The following GALNT13 variants were observed in gnomAD, a reference collection of about 807,000 sequenced individuals.
GALNT13 encodes polypeptide N-acetylgalactosaminyltransferase 13.
A neutral mutation model predicts 64.2 loss-of-function variants in GALNT13; 28 were observed. That is an observed-to-expected ratio of 0.44 (90% CI 0.32 to 0.60). The LOEUF (loss-of-function observed/expected upper bound fraction) is 0.60, where lower values mean the gene tolerates loss of function less well. Ranked by LOEUF, GALNT13 falls within the 20% of genes least tolerant of loss-of-function variation. The probability of loss-of-function intolerance (pLI) is 0.05; values close to 1 mark genes in which losing one functional copy is unlikely to be tolerated. For missense variants in GALNT13, 577 were observed against 669.8 expected (o/e 0.86, Z 1.53); for synonymous variants, 214 against 224.6 (o/e 0.95, Z 0.42).
rs369942303 is a variant in GALNT13, at chr2:153,998,581, C to A, written c.142+53942C>A. 1.1e-4 allele frequency among the ~76,000 whole-genome samples: 16 copies of A among 152,026 alleles called. No individual in the cohort carries two copies. The East Asian group carries it at 1.2e-3, about 11-fold the overall frequency. ...ATGGATAGATTGCAAAAATGTTTAC[C>A]CATTCTGTAGGTTGCCTGTTCACTC... On this transcript the variant is annotated intron_variant, in intron 3 of 12. Transcript: ENST00000392825.
At chr2:154,400,000 A>G (rs1421778783) in intron 10 of GALNT13, among the ~76,000 whole-genome samples, 3 of 152,162 alleles carry the variant, frequency 2.0e-5, no homozygotes, top group South Asian at 2.1e-4. Context: ...AACTAGCCTT[A>G]AAGAAATGCA....
At chr2:153,973,048 C>T (rs1287951561) in intron 3 of GALNT13, among the ~76,000 whole-genome samples, 2 of 151,936 alleles carry the variant, frequency 1.3e-5, no homozygotes, top group African/African-American at 2.4e-5. Flanking sequence ...CATGTAAATA[C>T]AATTTATTAA....
At chr2:153,643,167 T>C in the GALNT13 span, among the ~76,000 whole-genome samples, 1 of 151,146 alleles carries the variant, frequency 6.6e-6, no homozygotes, top group African/African-American at 2.4e-5. Flanking sequence ...CAAGTATTAA[T>C]AAAATGGAAT....
rs191038173 is a variant in GALNT13 at position 153,941,812 on chromosome 2, A to G, written c.-104-2582A>G. 8.3e-4 allele frequency among the ~76,000 whole-genome samples: 126 copies of G among 152,312 alleles called. 2 individuals are homozygous for G. Among genetic ancestry groups the G allele is most frequent in the Admixed American group, 7.2e-3 (110 of 15,300 alleles). ...ATATAGGTAAATTTCCAAATTAAAA[A>G]ATACAAGCAGAGTCTGTTTCATAAT... is the stretch of plus-strand genomic sequence containing the variant. On this transcript the variant is annotated intron_variant, in intron 2 of 12. Transcript: ENST00000392825.
At chr2:153,477,381 A>G in the GALNT13 span, 2 of 152,640 alleles carry the variant, frequency 1.3e-5, no homozygotes, top group Non-Finnish European at 2.9e-5. Context: ...TTAAATAAGA[A>G]AAAAACAAAA....
intron 3 of GALNT13, among the ~76,000 whole-genome samples, chr2:154,127,586 G>A (rs961937273): frequency 6.6e-6 from 1 of 151,590 alleles, no homozygotes; most frequent in Non-Finnish European, 1.5e-5. Flanking sequence ...ACAAAAAAAG[G>A]AGAGTCAATA....
intron 8 of GALNT13, among the ~76,000 whole-genome samples, chr2:154,265,135 A>T (rs887576181): frequency 6.6e-6 from 1 of 151,958 alleles, no homozygotes; most frequent in Non-Finnish European, 1.5e-5. Flanking sequence ...TATTCTACAG[A>T]TGGCTAAAAG....
At chr2:154,018,932 TGAAG>T (rs892238663) in intron 3 of GALNT13, among the ~76,000 whole-genome samples, 3 of 148,004 alleles carry the variant, frequency 2.0e-5, no homozygotes, top group Non-Finnish European at 3.0e-5. Context: ...ACAGGAGAGA[TGAAG>T]GGAGGGAATA....
chr2:153,991,337 G>T (rs1695145181), intron 3 of GALNT13, among the ~76,000 whole-genome samples: 1 of 152,144 alleles, frequency 6.6e-6, no homozygotes. Flanking sequence ...AGATAAGCCT[G>T]AATAGACAGC....
At chr2:153,288,942 T>C in the GALNT13 span, among the ~76,000 whole-genome samples, 1 of 152,326 alleles carries the variant, frequency 6.6e-6, no homozygotes, top group Non-Finnish European at 1.5e-5. Flanking sequence ...TCTATATACT[T>C]GAATGTTATA....
At chr2:154,306,249 C>T (rs1433797322) in intron 9 of GALNT13, among the ~76,000 whole-genome samples, 1 of 151,828 alleles carries the variant, frequency 6.6e-6, no homozygotes, top group Non-Finnish European at 1.5e-5. Context: ...TTTGCTGCAC[C>T]CATTAACCCG....
intron 4 of GALNT13, among the ~76,000 whole-genome samples, chr2:154,143,396 T>C (rs1407284643): frequency 5.3e-5 from 8 of 152,174 alleles, no homozygotes; most frequent in Non-Finnish European, 7.4e-5. Flanking sequence ...GTGGCTATGA[T>C]ACTTATATAT....
chr2:153,846,257 G>A, the GALNT13 span, among the ~76,000 whole-genome samples: 1 of 151,996 alleles, frequency 6.6e-6, no homozygotes, highest in Admixed American at 6.6e-5. Context: ...AATTGTTTCT[G>A]GTGTTTAAAT....
chr2:153,450,277 G>A, the GALNT13 span, among the ~76,000 whole-genome samples: 15 of 152,046 alleles, frequency 9.9e-5, no homozygotes, highest in East Asian at 2.7e-3. Context: ...GTTTCTTCCA[G>A]CATATTATAC....
At chr2:154,203,942 A>T (rs1402834224) in intron 4 of GALNT13, among the ~76,000 whole-genome samples, 3 of 152,172 alleles carry the variant, frequency 2.0e-5, no homozygotes, top group South Asian at 4.1e-4. Context: ...ATAGGTTCAA[A>T]TTGCTTTAAA....
chr2:154,047,925 G>A (rs1314885374), intron 3 of GALNT13, among the ~76,000 whole-genome samples: 6 of 152,150 alleles, frequency 3.9e-5, no homozygotes, highest in African/African-American at 7.2e-5. Flanking sequence ...TGTGACAACT[G>A]AAAGTGTCTC....
At chr2:154,030,861 G>C (rs968372524) in intron 3 of GALNT13, among the ~76,000 whole-genome samples, 3 of 152,116 alleles carry the variant, frequency 2.0e-5, no homozygotes. Context: ...TTCCTGTCAA[G>C]CCTGTGGAAC....
chr2:154,385,753 A>T (rs1440416362), intron 9 of GALNT13, among the ~76,000 whole-genome samples: 1 of 151,958 alleles, frequency 6.6e-6, no homozygotes, highest in Admixed American at 6.6e-5. Flanking sequence ...CCATGGAGGG[A>T]TAGATGAGTG....
intron 3 of GALNT13, among the ~76,000 whole-genome samples, chr2:154,042,009 T>C (rs533772841): frequency 7.1e-6 from 1 of 140,814 alleles, no homozygotes; most frequent in African/African-American, 2.4e-5. Context: ...AGTATATTTA[T>C]TGAATGAAAT....
Sources: allele counts gnomAD v4.1 joint callset (sites outside exome capture counted in the v4.1 genomes callset), GRCh38; gene constraint gnomAD v4.1.1; transcripts MANE v1.5; gene names NCBI Gene and HGNC (gene_info 2026-07-23, HGNC 2026-07-21).